Variants in PITPNC1 observed in about 807,000 individuals in gnomAD.
The protein encoded by PITPNC1 is phosphatidylinositol transfer protein cytoplasmic 1, also known as cytoplasmic phosphatidylinositol transfer protein 1.
Under a neutral mutation model 44.7 loss-of-function variants are expected in PITPNC1, and 18 were observed. That is an observed-to-expected ratio of 0.40 (90% CI 0.28 to 0.60). PITPNC1 has a LOEUF of 0.60. Among genes scored for constraint, PITPNC1 ranks in the 20% least tolerant of loss-of-function variants. PITPNC1 has a pLI of 0.39. For synonymous variants in PITPNC1, 141 were observed against 149.6 expected (o/e 0.94, Z 0.42); for missense variants, 290 against 418.4 (o/e 0.69, Z 2.68).
chr17:67,548,420 G>T (rs746361897), intron 2 of PITPNC1, among the ~76,000 whole-genome samples: 94 of 152,212 alleles, frequency 6.2e-4, no homozygotes, highest in Non-Finnish European at 3.7e-4. Context: ...GTGAAACTTT[G>T]TCTCTACTAA....
At chr17:67,649,018 G>A (rs2042181210) in intron 6 of PITPNC1, among the ~76,000 whole-genome samples, 1 of 152,192 alleles carries the variant, frequency 6.6e-6, no homozygotes, top group Non-Finnish European at 1.5e-5. Context: ...GCTGGGCCCA[G>A]TGGCACATGC....
chr17:67,563,198 A>T (rs1163422393), intron 4 of PITPNC1, among the ~76,000 whole-genome samples: 1 of 152,194 alleles, frequency 6.6e-6, no homozygotes, highest in Non-Finnish European at 1.5e-5. Flanking sequence ...AGCACAGTTA[A>T]TATGACAATA....
chr17:67,546,786 C>G (rs1184364691), intron 2 of PITPNC1, among the ~76,000 whole-genome samples: 1 of 152,126 alleles, frequency 6.6e-6, no homozygotes, highest in Non-Finnish European at 1.5e-5. Context: ...CGGGGAGGCC[C>G]CGGCAGCCTT....
At chr17:67,530,201 C>T (rs2040443465) in intron 1 of PITPNC1, among the ~76,000 whole-genome samples, 1 of 148,238 alleles carries the variant, frequency 6.7e-6, no homozygotes, top group Non-Finnish European at 1.5e-5. Flanking sequence ...ACGCCATTCT[C>T]CTGCCTCAGA....
At chr17:67,434,033 G>C (rs2038897398) in intron 1 of PITPNC1, among the ~76,000 whole-genome samples, 1 of 152,160 alleles carries the variant, frequency 6.6e-6, no homozygotes, top group Non-Finnish European at 1.5e-5. Flanking sequence ...CTGGGGCTTA[G>C]AACGGGACCT....
chr17:67,605,378 A>G (rs982494460), intron 5 of PITPNC1, among the ~76,000 whole-genome samples: 3 of 152,166 alleles, frequency 2.0e-5, no homozygotes, highest in African/African-American at 7.2e-5. Context: ...CATGGTCTGC[A>G]AGACCTTGGA....
At chr17:67,470,763 C>G (rs982576442) in intron 1 of PITPNC1, among the ~76,000 whole-genome samples, 1 of 151,382 alleles carries the variant, frequency 6.6e-6, no homozygotes, top group Non-Finnish European at 1.5e-5. Flanking sequence ...AATAGAAAGG[C>G]GGGAAAGGTG....
At chr17:67,477,230 C>A (rs2039642651) in intron 1 of PITPNC1, among the ~76,000 whole-genome samples, 1 of 146,252 alleles carries the variant, frequency 6.8e-6, no homozygotes. Flanking sequence ...TGTGTGCCAA[C>A]ACACCCAGCT....
At chr17:67,523,936 T>A (rs1165717945) in intron 1 of PITPNC1, among the ~76,000 whole-genome samples, 2 of 150,644 alleles carry the variant, frequency 1.3e-5, no homozygotes, top group African/African-American at 4.9e-5. Flanking sequence ...CTCAGCCTCC[T>A]GAGTACCTGG....
chr17:67,522,657 A>ATTTTTTTTTTTTTTTTTTTTTTTTTT (rs1219049449), intron 1 of PITPNC1, among the ~76,000 whole-genome samples: 22 of 59,956 alleles, frequency 3.7e-4, no homozygotes, highest in African/African-American at 1.8e-3. Context: ...TACCATTTTA[A>ATTTTTTTTTTTTTTTTTTTTTTTTTT]TCTTTTTTTT....
intron 7 of PITPNC1, among the ~76,000 whole-genome samples, chr17:67,672,015 A>G (rs1406754458): frequency 6.6e-6 from 1 of 151,398 alleles, no homozygotes; most frequent in Admixed American, 6.6e-5. Context: ...GCTCACTGCA[A>G]CCTCCACCTC....
chr17:67,621,786 G>A (rs1350427348), intron 5 of PITPNC1, among the ~76,000 whole-genome samples: 1 of 152,054 alleles, frequency 6.6e-6, no homozygotes, highest in Non-Finnish European at 1.5e-5. Flanking sequence ...ACCCAACTCT[G>A]TCTTCTGCAA....
At chr17:67,628,624 A>G (rs1369350406) in intron 5 of PITPNC1, among the ~76,000 whole-genome samples, 2 of 152,196 alleles carry the variant, frequency 1.3e-5, no homozygotes, top group Non-Finnish European at 2.9e-5. Context: ...GCTGGTTCAC[A>G]GTGGTTGAGC....
chr17:67,531,418 A>G (rs961232408), intron 1 of PITPNC1, among the ~76,000 whole-genome samples: 1 of 152,162 alleles, frequency 6.6e-6, no homozygotes, highest in African/African-American at 2.4e-5. Flanking sequence ...CGTGGCACAG[A>G]TAGGAGACAC....
At chr17:67,669,448 C>T (rs2042476775) in intron 6 of PITPNC1, 60 bp from the exon 7 acceptor site, 4 of 1,198,412 alleles carry the variant, frequency 3.3e-6, no homozygotes, top group Admixed American at 2.3e-5. Context: ...TTATTCCTGA[C>T]ATTTAATAAT....
At chr17:67,413,487 C>T (rs986978107) in intron 1 of PITPNC1, among the ~76,000 whole-genome samples, 2 of 139,806 alleles carry the variant, frequency 1.4e-5, no homozygotes, top group Admixed American at 7.2e-5. Flanking sequence ...TCTCGCTATG[C>T]TCAGCCTGTG....
chr17:67,649,000 A>T (rs1022653988), intron 6 of PITPNC1, among the ~76,000 whole-genome samples: 18 of 152,154 alleles, frequency 1.2e-4, no homozygotes, highest in Non-Finnish European at 1.8e-4. Flanking sequence ...AAATATTTTT[A>T]AAAATTAGCT....
chr17:67,621,581 A>G (rs900593040), intron 5 of PITPNC1, among the ~76,000 whole-genome samples: 1 of 152,142 alleles, frequency 6.6e-6, no homozygotes, highest in Non-Finnish European at 1.5e-5. Context: ...TGTGTATTAA[A>G]TCTAGTCTCC....
intron 1 of PITPNC1, among the ~76,000 whole-genome samples, chr17:67,529,906 C>T (rs1019511866): frequency 6.6e-6 from 1 of 152,118 alleles, no homozygotes; most frequent in African/African-American, 2.4e-5. Context: ...CAAGATCGCA[C>T]CACTGCACTC....
Sources: allele counts gnomAD v4.1 joint callset (sites outside exome capture counted in the v4.1 genomes callset), GRCh38; gene constraint gnomAD v4.1.1; transcripts MANE v1.5; gene names NCBI Gene and HGNC (gene_info 2026-07-23, HGNC 2026-07-21).